The following OCA2 variants were observed in gnomAD, a reference collection of about 807,000 sequenced individuals.
OCA2 encodes the protein OCA2 melanosomal transmembrane protein.
Under a neutral mutation model 100.2 loss-of-function variants are expected in OCA2, and 77 were observed. The observed-to-expected ratio is 0.77, with a 90% CI of 0.64 to 0.93. The LOEUF (loss-of-function observed/expected upper bound fraction) is 0.93. OCA2 is among the 40% of genes least tolerant of loss of function. OCA2 has a pLI of 0.00. For synonymous variants in OCA2, 432 were observed against 439.2 expected, an observed-to-expected ratio of 0.98 and a Z score of 0.21; for missense variants, 1,062 against 1,089.1, an observed-to-expected ratio of 0.98 and a Z score of 0.35.
intron 18 of OCA2, among the ~76,000 whole-genome samples, chr15:27,949,714 G>C (rs1281541312): frequency 2.0e-5 from 3 of 152,048 alleles, no homozygotes; most frequent in African/African-American, 7.2e-5. Flanking sequence ...AAAGAAAACA[G>C]AACTTCACCA....
At chr15:27,733,274 G>C in the OCA2 span, among the ~76,000 whole-genome samples, 1 of 152,060 alleles carries the variant, frequency 6.6e-6, no homozygotes, top group Non-Finnish European at 1.5e-5. Flanking sequence ...TGTAAGTAAG[G>C]TCCCATCCTT....
Position 28,043,751 on chromosome 15 carries a change from T to G in OCA2, c.228-11588A>C. Among the ~76,000 whole-genome samples the G allele has an allele frequency of 6.6e-6, 1 of 152,172 alleles. No individual in the cohort carries two copies. The highest frequency in any genetic ancestry group is 1.5e-5 in the Non-Finnish European group (1 of 68,028). ...AAAGCCCCAAAATTAATTATTAACA[T>G]TAGATGGGCTTGTGACTGGGCTGGT... On this transcript the variant is annotated intron_variant, in intron 2 of 23. Coordinates refer to ENST00000354638, the MANE Select transcript of OCA2 (RefSeq NM_000275.3). This position sits in a 1 kb window ranked among gnomAD's most constrained non-coding sequence, Gnocchi z 4.4.
At chr15:27,903,528 C>A (rs1220705026) in intron 19 of OCA2, among the ~76,000 whole-genome samples, 1 of 152,176 alleles carries the variant, frequency 6.6e-6, no homozygotes, top group Non-Finnish European at 1.5e-5. Context: ...TGCTCTGTTG[C>A]CCCGGAGGCA....
chr15:28,000,838 GC>G (rs1489195742), intron 9 of OCA2, among the ~76,000 whole-genome samples: 1 of 152,112 alleles, frequency 6.6e-6, no homozygotes, highest in Non-Finnish European at 1.5e-5. Context: ...CATGCAAATG[GC>G]CCCCAGGTAC....
At chr15:27,795,345 T>C (rs912921616) in intron 23 of OCA2, among the ~76,000 whole-genome samples, 1 of 152,108 alleles carries the variant, frequency 6.6e-6, no homozygotes, top group Non-Finnish European at 1.5e-5. Context: ...TTTGGCTGAA[T>C]TTTTCAGCCA....
intron 19 of OCA2, among the ~76,000 whole-genome samples, chr15:27,874,375 C>T (rs1182107979): frequency 6.6e-6 from 1 of 152,298 alleles, no homozygotes; most frequent in East Asian, 1.9e-4. Context: ...CTGTTTCTCA[C>T]ATTGAGCCAA....
At chr15:28,006,114 C>T (rs1041027437) in intron 9 of OCA2, among the ~76,000 whole-genome samples, 1 of 152,144 alleles carries the variant, frequency 6.6e-6, no homozygotes, top group African/African-American at 2.4e-5. Flanking sequence ...TGGGGTTGTC[C>T]ATTAACACAC....
chr15:28,042,292 C>A (rs893964496), intron 2 of OCA2, among the ~76,000 whole-genome samples: 3 of 152,060 alleles, frequency 2.0e-5, no homozygotes, highest in African/African-American at 7.2e-5. Flanking sequence ...TTCTACTTAT[C>A]ATTTCTAGCT....
chr15:28,079,268 A>C (rs2044535995), intron 2 of OCA2, among the ~76,000 whole-genome samples: 1 of 150,782 alleles, frequency 6.6e-6, no homozygotes, highest in Non-Finnish European at 1.5e-5. Flanking sequence ...AGATTCAAAG[A>C]CTTACGTATC....
chr15:27,940,127 G>C (rs2039594129), intron 18 of OCA2, among the ~76,000 whole-genome samples: 1 of 152,126 alleles, frequency 6.6e-6, no homozygotes, highest in Non-Finnish European at 1.5e-5. Context: ...ATTTCTGATT[G>C]ATACATTCCA....
chr15:28,047,638 A>C (rs2043384917), intron 2 of OCA2, among the ~76,000 whole-genome samples: 1 of 152,174 alleles, frequency 6.6e-6, no homozygotes, highest in African/African-American at 2.4e-5. Context: ...ATATATGAAA[A>C]ACCCACAGCC....
In OCA2 at chr15:27,966,830, TAAAC is replaced by T. The variant is rs886051022; in HGVS notation, c.1504-12_1504-9del. Reference sequence around the variant, plus strand: ...TCCGGCAAAGTCCAGGCCCTGGAAATAAACAAGGGGAAATGAAATGGCAGCCCAG... The same window carrying T: ...TCCGGCAAAGTCCAGGCCCTGGAAATAAGGGGAAATGAAATGGCAGCCCAG... On this transcript the variant is annotated splice_polypyrimidine_tract_variant and intron_variant, in intron 14 of 23. Coordinates refer to ENST00000354638, the MANE Select transcript of OCA2 (RefSeq NM_000275.3). 3.1e-6 allele frequency: 5 copies of T among 1,607,128 alleles called. No individual in the cohort carries two copies. The highest frequency in any genetic ancestry group is 4.2e-6 in the Non-Finnish European group (5 of 1,177,040).
At chr15:27,904,397 G>A (rs771685786) in intron 19 of OCA2, among the ~76,000 whole-genome samples, 11 of 152,274 alleles carry the variant, frequency 7.2e-5, no homozygotes, top group East Asian at 3.9e-4. Context: ...TTTGGAGGAC[G>A]GAAGAACTGC....
intron 23 of OCA2, among the ~76,000 whole-genome samples, chr15:27,764,570 G>T (rs1181485770): frequency 6.6e-6 from 1 of 152,114 alleles, no homozygotes; most frequent in African/African-American, 2.4e-5. Flanking sequence ...ACTCCACTGG[G>T]ACTGGGACTC....
chr15:28,048,435 A>T (rs2043407102), intron 2 of OCA2, among the ~76,000 whole-genome samples: 1 of 152,206 alleles, frequency 6.6e-6, no homozygotes, highest in Non-Finnish European at 1.5e-5. Context: ...AAGACCATTC[A>T]ACAGAGAATA....
At chr15:28,005,003 A>G (rs2042047988) in intron 9 of OCA2, among the ~76,000 whole-genome samples, 2 of 152,118 alleles carry the variant, frequency 1.3e-5, no homozygotes, top group Admixed American at 1.3e-4. Context: ...ATCAAAGAAA[A>G]TCACCATGCC....
chr15:28,055,542 T>C (rs1448695739), intron 2 of OCA2, among the ~76,000 whole-genome samples: 2 of 152,190 alleles, frequency 1.3e-5, no homozygotes, highest in Non-Finnish European at 2.9e-5. Flanking sequence ...ATGGTTTGTT[T>C]GGGGTGGTAT....
intron 6 of OCA2, among the ~76,000 whole-genome samples, chr15:28,021,204 G>A (rs1231299739): frequency 1.3e-5 from 2 of 152,124 alleles, no homozygotes; most frequent in South Asian, 2.1e-4. Context: ...ACGGATGCCC[G>A]CCGCACTAGC....
At chr15:28,044,214 C>T (rs139540279) in intron 2 of OCA2, among the ~76,000 whole-genome samples, 44 of 152,292 alleles carry the variant, frequency 2.9e-4, no homozygotes, top group African/African-American at 1.0e-3. Flanking sequence ...TTATTCTAAC[C>T]AATATCTAAT....
Sources: allele counts gnomAD v4.1 joint callset (sites outside exome capture counted in the v4.1 genomes callset), GRCh38; gene constraint gnomAD v4.1.1; non-coding constraint Gnocchi (gnomAD v3.1); transcripts MANE v1.5; gene names NCBI Gene and HGNC (gene_info 2026-07-23, HGNC 2026-07-21).